DSTYK: variants seen among roughly 807,000 people sequenced by gnomAD.
DSTYK encodes dual serine/threonine and tyrosine protein kinase.
DSTYK carries 34 observed loss-of-function variants against 98.7 expected under a neutral mutation model. That is an observed-to-expected ratio of 0.34 (90% confidence interval 0.26 to 0.46). The LOEUF (loss-of-function observed/expected upper bound fraction) is 0.46. DSTYK is among the 20% of genes least tolerant of loss of function. The probability of loss-of-function intolerance (pLI) is 1.00; values close to 1 mark genes in which losing one functional copy is unlikely to be tolerated. For missense variants in DSTYK, 962 were observed against 1,181.7 expected, an observed-to-expected ratio of 0.81 and a Z score of 2.73; for synonymous variants, 462 against 457.3, an observed-to-expected ratio of 1.01 and a Z score of -0.13.
intron 2 of DSTYK, among the ~76,000 whole-genome samples, chr1:205,175,654 C>T (rs895583898): frequency 2.0e-5 from 3 of 152,036 alleles, no homozygotes; most frequent in African/African-American, 4.8e-5. Flanking sequence ...CAAAAAAGGA[C>T]GCCAACACTG....
Position 205,181,656 on chromosome 1 carries a change from TTGTGTGTGTG to T in DSTYK, c.654+5752_654+5761del, listed in dbSNP as rs35775611. Among the ~76,000 whole-genome samples, 355 of 142,642 alleles carry T rather than the reference TTGTGTGTGTG, an allele frequency of 2.5e-3. 1 individual carries two copies. Among genetic ancestry groups the T allele is most frequent in the African/African-American group, 8.6e-3 (322 of 37,610 alleles). 93.6% of individuals were successfully genotyped at this position (142,642 alleles called of 152,430 possible). ...AGATGTGAGCCACAGATGTTGGGGTTTGTGTGTGTGTGTGTGTGTGTGTGTGTGTGTGTGT... is the reference window on the plus strand; with the variant it reads ...AGATGTGAGCCACAGATGTTGGGGTTTGTGTGTGTGTGTGTGTGTGTGTGT... On this transcript the variant is annotated intron_variant, in intron 2 of 12. Coordinates refer to ENST00000367162, the MANE Select transcript of DSTYK (RefSeq NM_015375.3).
intron 1 of DSTYK, among the ~76,000 whole-genome samples, chr1:205,188,799 CA>C (rs1441796231): frequency 6.6e-6 from 1 of 152,158 alleles, no homozygotes; most frequent in African/African-American, 2.4e-5. Context: ...TCCCAGCTGC[CA>C]AGTCATCTGT....
In DSTYK at chr1:205,169,533, C is replaced by G. The variant is rs1470319851; in HGVS notation, c.954G>C (p.Trp318Cys). 1 of 1,614,200 alleles carries G rather than the reference C, an allele frequency of 6.2e-7. No individual in the cohort carries two copies. Among genetic ancestry groups the G allele is most frequent in the East Asian group, 2.2e-5 (1 of 44,876 alleles). ...IDLGYLSSSHWNCGAPGQDTK... is the reference protein window; with the variant it reads ...IDLGYLSSSHCNCGAPGQDTK... Reference sequence around the variant, plus strand: ...TATCCTGGCCAGGAGCCCCACAGTTCCAGTGACTGCTGCTCAGATAGCCCA... The same window carrying G: ...TATCCTGGCCAGGAGCCCCACAGTTGCAGTGACTGCTGCTCAGATAGCCCA... The change falls in exon 3 of 13, where the codon TGG becomes TGC. Residue 318 changes from tryptophan (W) to cysteine (C), a missense_variant. This residue lies in a region of DSTYK where 660 missense variants were observed against 855.0 expected (regional missense o/e 0.77). Coordinates refer to ENST00000367162, the MANE Select transcript of DSTYK (RefSeq NM_015375.3). The surrounding 1 kb of genome is among the most constrained non-coding windows in gnomAD (Gnocchi z 4.0).
intron 10 of DSTYK, among the ~76,000 whole-genome samples, chr1:205,154,098 G>A (rs1657488023): frequency 6.6e-6 from 1 of 151,614 alleles, no homozygotes; most frequent in African/African-American, 2.4e-5. Context: ...TGTATAGAGA[G>A]AAAGAGAGAG....
intron 1 of DSTYK, among the ~76,000 whole-genome samples, chr1:205,189,114 C>T (rs10900466): frequency 0.81 from 123,442 of 151,870 alleles, 51,170 homozygotes; most frequent in East Asian, 0.97. Context: ...ACCACCCTTA[C>T]GTTTTGTACA....
chr1:205,210,973 G>A (rs567451618), intron 1 of DSTYK, among the ~76,000 whole-genome samples: 1 of 152,290 alleles, frequency 6.6e-6, no homozygotes, highest in South Asian at 2.1e-4. Flanking sequence ...CCGAACGCCG[G>A]CCCGCCCCAG....
chr1:205,173,341 C>G (rs1019200523), intron 2 of DSTYK: 21 of 136,666 alleles, frequency 1.5e-4, no homozygotes, highest in African/African-American at 5.4e-4. Flanking sequence ...CTGCAGTGAA[C>G]TGAGATCACA....
chr1:205,206,966 G>C (rs1659220638), intron 1 of DSTYK, among the ~76,000 whole-genome samples: 1 of 152,142 alleles, frequency 6.6e-6, no homozygotes, highest in African/African-American at 2.4e-5. Context: ...TAAAGGCACA[G>C]CACAGTTGTG....
chr1:205,187,980 A>G lies in DSTYK; in HGVS notation c.266-174T>C, dbSNP rs6593929. On this transcript the variant is annotated intron_variant, in intron 1 of 12. Coordinates refer to ENST00000367162, the MANE Select transcript of DSTYK (RefSeq NM_015375.3). ...CAGGGAAAAAACCCCAGTGAGAAAA[A>G]GCTCTTCACATATCAAACAGAATTC... 0.8 allele frequency among the ~76,000 whole-genome samples: 120,900 copies of G among 151,730 alleles called. 49,632 individuals are homozygous for G. Among genetic ancestry groups the G allele is most frequent in the East Asian group, 0.97 (5,000 of 5,152 alleles).
At chr1:205,151,466 T>TTTGTTG (rs142504789) in intron 10 of DSTYK, among the ~76,000 whole-genome samples, 2 of 152,000 alleles carry the variant, frequency 1.3e-5, no homozygotes, top group African/African-American at 2.4e-5. Context: ...ATAGTGGCTT[T>TTTGTTG]TTGTTGTTGT....
intron 2 of DSTYK, among the ~76,000 whole-genome samples, chr1:205,178,173 T>C (rs1642352012): frequency 2.0e-5 from 3 of 152,020 alleles, no homozygotes; most frequent in Admixed American, 2.0e-4. Flanking sequence ...ATGCTAAAAG[T>C]AGAAGAATAT....
intron 1 of DSTYK, among the ~76,000 whole-genome samples, chr1:205,206,297 T>C (rs1659199439): frequency 6.6e-6 from 1 of 151,844 alleles, no homozygotes; most frequent in East Asian, 1.9e-4. Flanking sequence ...TTTTTGTTTT[T>C]GAGACAGAGT....
At chr1:205,159,902 GAA>G in intron 8 of DSTYK, 1 of 798,600 alleles carries the variant, frequency 1.3e-6, no homozygotes, top group Non-Finnish European at 2.0e-6. Context: ...GACTAAAGAA[GAA>G]AGTTAAATGG....
chr1:205,150,684 GAA>G lies in DSTYK; in HGVS notation c.2461_2462del (p.Phe821HisfsTer6). The stretch of plus-strand genomic sequence containing the variant: ...CTGCCTGCCCTCCAGCCTTACCTGT[GAA>G]AAGTTCAGGGGCCATATGGATTGGT... ...GTPIHMAPELFTGKYDNSVDV... is the reference protein window; with the variant it reads ...GTPIHMAPELXTGKYDNSVDV... On this transcript the variant is annotated frameshift_variant, in exon 11 of 13. Transcript: ENST00000367162. LOFTEE classifies it high-confidence loss of function. This position sits in a 1 kb window ranked among gnomAD's most constrained non-coding sequence, Gnocchi z 4.1. The G allele has an allele frequency of 6.2e-7, 1 of 1,613,356 alleles. No individual in the cohort carries two copies. The highest frequency in any genetic ancestry group is 8.5e-7 in the Non-Finnish European group (1 of 1,179,660).
chr1:205,198,478 T>C (rs1262694650), intron 1 of DSTYK, among the ~76,000 whole-genome samples: 1 of 152,180 alleles, frequency 6.6e-6, no homozygotes, highest in Non-Finnish European at 1.5e-5. Flanking sequence ...AAAATAAGAA[T>C]GACTTTTCTT....
intron 1 of DSTYK, among the ~76,000 whole-genome samples, chr1:205,197,138 G>GA (rs796935302): frequency 1.4e-3 from 196 of 137,160 alleles, no homozygotes; most frequent in African/African-American, 2.1e-3. Context: ...GTGATGAAAG[G>GA]AAAAAAAAAA....
intron 1 of DSTYK, among the ~76,000 whole-genome samples, chr1:205,210,962 T>G (rs1659353852): frequency 6.6e-6 from 1 of 152,038 alleles, no homozygotes; most frequent in African/African-American, 2.4e-5. Flanking sequence ...TGCTACCCTC[T>G]CCGAACGCCG....
In DSTYK at chr1:205,162,841, T is replaced by C. The variant is rs1657772665; in HGVS notation, c.1641+82A>G. 2.8e-6 allele frequency: 3 copies of C among 1,057,990 alleles called. No homozygotes were observed. In the African/African-American group the frequency reaches 4.7e-5, roughly 17 times the overall value. 65.5% of individuals were successfully genotyped at this position (1,057,990 alleles called of 1,614,324 possible). A position where few individuals can be genotyped will look rare whatever the true frequency, so the allele number is the denominator to read the frequency against. On this transcript the variant is annotated intron_variant, in intron 5 of 12. Transcript: ENST00000367162. Reference sequence around the variant, plus strand: ...CCCTGCCTTAACAGAAGATCCTAGATATCTGTTTCCTACTGGGGTCACTAT... The same window carrying C: ...CCCTGCCTTAACAGAAGATCCTAGACATCTGTTTCCTACTGGGGTCACTAT...
At chr1:205,202,186 T>G in intron 1 of DSTYK, 2 of 559,322 alleles carry the variant, frequency 3.6e-6, no homozygotes, top group Non-Finnish European at 7.2e-6. Flanking sequence ...AGGTAATCCG[T>G]GAAAATGGTT....
Sources: gnomAD v4.1 joint callset for allele counts (sites outside exome capture counted in the v4.1 genomes callset) on GRCh38, gnomAD v4.1.1 for gene constraint, gnomAD v4.1.1 regional missense constraint, Gnocchi (gnomAD v3.1) non-coding constraint, MANE v1.5 for transcripts, NCBI Gene and HGNC (gene_info 2026-07-23, HGNC 2026-07-21) for gene names.